The following RABL6 variants were observed in gnomAD, a reference collection of about 807,000 sequenced individuals.
The protein encoded by RABL6 is RAB, member RAS oncogene family like 6, also known as rab-like protein 6.
In RABL6, 28 loss-of-function variants were observed where a neutral mutation model predicts 72.9. The observed-to-expected ratio is 0.38, with a 90% CI of 0.28 to 0.53. The LOEUF (loss-of-function observed/expected upper bound fraction) is 0.53. Among genes scored for constraint, RABL6 ranks in the 20% least tolerant of loss-of-function variants. The pLI is 0.80. For synonymous variants in RABL6, 477 were observed against 421.2 expected (o/e 1.13, Z -1.62); for missense variants, 1,029 against 1,008.4 (o/e 1.02, Z -0.28).
chr9:136,832,947 G>A (rs979357819), intron 7 of RABL6: 15 of 334,754 alleles, frequency 4.5e-5, no homozygotes, highest in South Asian at 9.4e-5. Context: ...GAACCTCCTC[G>A]CCCTGGGCTG....
chr9:136,812,473 C>T (rs977225441), intron 1 of RABL6, among the ~76,000 whole-genome samples: 11 of 152,030 alleles, frequency 7.2e-5, no homozygotes, highest in Admixed American at 3.3e-4. Context: ...GCAGGAGAAT[C>T]GCTTGAACCC....
At chr9:136,816,734 G>C (rs1326931487) in intron 1 of RABL6, among the ~76,000 whole-genome samples, 1 of 136,024 alleles carries the variant, frequency 7.4e-6, no homozygotes, top group Non-Finnish European at 1.6e-5. Context: ...AGGGGGGGGG[G>C]GTAATTTTTT....
chr9:136,823,266 G>T (rs1404927820), intron 1 of RABL6, among the ~76,000 whole-genome samples: 2 of 143,358 alleles, frequency 1.4e-5, no homozygotes, highest in Non-Finnish European at 3.0e-5. Flanking sequence ...GCCTGACCTG[G>T]CTCCAAGTAG....
Position 136,840,378 on chromosome 9 carries a change from G to A in RABL6, c.2046G>A (p.Glu682=). The A allele has an allele frequency of 6.4e-7, 1 of 1,554,324 alleles. No individual in the cohort carries two copies. The part of the protein sequence containing the change: ...KSKHKKSKDK[E]EGKEERRRRQ... ...AACACAAGAAGAGCAAGGACAAGGAGGAGGGCAAGGAGGAGCGGCGACGGC... is the reference window on the plus strand; with the variant it reads ...AACACAAGAAGAGCAAGGACAAGGAAGAGGGCAAGGAGGAGCGGCGACGGC... Residue 682 remains glutamate (E), a synonymous_variant, in exon 15 of 15, where the codon GAG becomes GAA. Coordinates refer to ENST00000311502, the MANE Select transcript of RABL6 (RefSeq NM_024718.5).
At chr9:136,833,227 G>T in intron 7 of RABL6, 1 of 263,944 alleles carries the variant, frequency 3.8e-6, no homozygotes, top group Non-Finnish European at 7.1e-6. Flanking sequence ...GCCCCAGCTG[G>T]GTCTGGGGGA....
At position 136,820,072 on chromosome 9, in the gene RABL6, G is replaced by A. The variant is rs549312726; in HGVS notation, c.131-3453G>A. On this transcript the variant is annotated intron_variant, in intron 1 of 14. Coordinates refer to ENST00000311502, the MANE Select transcript of RABL6 (RefSeq NM_024718.5). ...CAGAAAATTAGGCATGGCGGCTTGCGCCTGTAGTCCCAGCTACTTGGGAGG... is the reference window on the plus strand; with the variant it reads ...CAGAAAATTAGGCATGGCGGCTTGCACCTGTAGTCCCAGCTACTTGGGAGG... 1.6e-3 allele frequency among the ~76,000 whole-genome samples: 241 copies of A among 152,112 alleles called. 1 individual carries two copies. Among genetic ancestry groups the A allele is most frequent in the African/African-American group, 5.3e-3 (221 of 41,512 alleles).
chr9:136,834,509 TCTCA>T (rs1292072372), intron 7 of RABL6: 4 of 947,830 alleles, frequency 4.2e-6, no homozygotes, highest in Non-Finnish European at 5.0e-6. Context: ...GGAGACGGAG[TCTCA>T]CTCTGTCCAG....
Position 136,808,174 on chromosome 9 carries a change from G to C in RABL6, c.-23G>C, listed in dbSNP as rs2131145702. On this transcript the variant is annotated 5_prime_UTR_variant, in exon 1 of 15. Coordinates refer to ENST00000311502, the MANE Select transcript of RABL6 (RefSeq NM_024718.5). The stretch of plus-strand genomic sequence containing the variant: ...CCGCTGAGCTCGCCGGCCGCGCCCG[G>C]GCTGGGACGTCCGAGCGGGAAGATG... 6.7e-7 allele frequency: 1 copy of C among 1,495,012 alleles called. No individual in the cohort carries two copies. Among genetic ancestry groups the C allele is most frequent in the African/African-American group, 1.5e-5 (1 of 68,416 alleles). 92.6% of individuals were successfully genotyped at this position (1,495,012 alleles called of 1,614,324 possible).
At chr9:136,815,189 G>T (rs557967320) in intron 1 of RABL6, 8 of 332,220 alleles carry the variant, frequency 2.4e-5, no homozygotes, top group South Asian at 2.0e-4. Context: ...GCCGTTCTTT[G>T]CCCCCTTGGC....
intron 10 of RABL6, 100 bp from the exon 11 acceptor site, chr9:136,838,792 GGGGTGGCCCCACGGCCA>G: frequency 1.1e-6 from 1 of 889,078 alleles, no homozygotes; most frequent in South Asian, 1.8e-5. Flanking sequence ...CACCTGGGGT[GGGGTGGCCCCACGGCCA>G]GGGTGTGCTG....
In RABL6 at chr9:136,839,603, C is replaced by T. The variant is rs1588375248; in HGVS notation, c.1759-91C>T. On this transcript the variant is annotated intron_variant, in intron 12 of 14. Transcript: ENST00000311502. ...CTGGAAGAGGCATCTCATGTCCCCA[C>T]ACTTGGGCCTTGCCGGCCTGGTTTG... 3.9e-6 allele frequency: 6 copies of T among 1,548,316 alleles called. No homozygotes were observed. In the East Asian group the frequency reaches 1.4e-4, roughly 35 times the overall value.
At chr9:136,818,048 C>A (rs1372437839) in intron 1 of RABL6, among the ~76,000 whole-genome samples, 1 of 106,620 alleles carries the variant, frequency 9.4e-6, no homozygotes, top group Non-Finnish European at 1.8e-5. Context: ...GGCAACAGAA[C>A]AAGACTCCAT....
At chr9:136,839,924 C>T in intron 13 of RABL6, 59 bp downstream of exon 13, 2 of 1,563,178 alleles carry the variant, frequency 1.3e-6, no homozygotes, top group Admixed American at 1.9e-5. Context: ...ACGTGGGCCT[C>T]CTCCCAGCTG....
In RABL6 at chr9:136,818,061, CAAAAAAAAA is replaced by C. The variant is rs35850059; in HGVS notation, c.131-5452_131-5444del. ...TGGGCAACAGAACAAGACTCCATCT[CAAAAAAAAA>C]AAAAAAAAAAATGACGGGCACAGTG... is the stretch of plus-strand genomic sequence containing the variant. On this transcript the variant is annotated intron_variant, in intron 1 of 14. Coordinates refer to ENST00000311502, the MANE Select transcript of RABL6 (RefSeq NM_024718.5). Among the ~76,000 whole-genome samples, 3 of 78,482 alleles carry C rather than the reference CAAAAAAAAA, an allele frequency of 3.8e-5. No individual in the cohort carries two copies. The Admixed American group carries it at 5.2e-4, about 13-fold the overall frequency. The allele number at this position is 78,482 out of a possible 152,430, so 51.5% of individuals were successfully genotyped here.
intron 9 of RABL6, 41 bp from the exon 10 acceptor site, chr9:136,837,821 T>G (rs1848611551): frequency 1.9e-6 from 3 of 1,544,326 alleles, no homozygotes; most frequent in Non-Finnish European, 2.6e-6. Flanking sequence ...CAGTGAGGGT[T>G]CTGGTGCCGA....
rs536455023 is a variant in RABL6 at position 136,832,313 on chromosome 9, C to T, written c.648C>T (p.Asn216=). The T allele has an allele frequency of 3.1e-6, 5 of 1,613,954 alleles. No homozygotes were observed. In the African/African-American group the frequency reaches 4.0e-5, roughly 13 times the overall value. ...GCTATGCTGAGTCTTCCATGAAGAA[C>T]AGCTTCGGCCTAAAGTACCTTCATA... is the stretch of plus-strand genomic sequence containing the variant. ...YFRYAESSMK[N]SFGLKYLHKF... Residue 216 remains asparagine (N), a synonymous_variant, in exon 7 of 15, where the codon AAC becomes AAT. Transcript: ENST00000311502.
intron 1 of RABL6, among the ~76,000 whole-genome samples, chr9:136,822,571 G>A (rs1848261242): frequency 6.6e-6 from 1 of 152,162 alleles, no homozygotes; most frequent in Non-Finnish European, 1.5e-5. Flanking sequence ...CCAGTCGGGT[G>A]CCAGGTCCAT....
Position 136,818,400 on chromosome 9 carries a change from AAAAAC to A in RABL6, c.131-5124_131-5120del, listed in dbSNP as rs1848169356. ...AAAAAAAAAAAAAAAAAAAAAAAAAAAAAACCAAAGGTAAGCAAAGAAACTGGTAA... is the reference window on the plus strand; with the variant it reads ...AAAAAAAAAAAAAAAAAAAAAAAAAACAAAGGTAAGCAAAGAAACTGGTAA... On this transcript the variant is annotated intron_variant, in intron 1 of 14. Transcript: ENST00000311502. 2.5e-4 allele frequency among the ~76,000 whole-genome samples: 7 copies of A among 28,036 alleles called. 2 individuals carry two copies. Among genetic ancestry groups the A allele is most frequent in the African/African-American group, 1.1e-3 (7 of 6,184 alleles). 18.4% of individuals were successfully genotyped at this position (28,036 alleles called of 152,430 possible).
At chr9:136,825,247 A>C (rs1282298030) in intron 2 of RABL6, among the ~76,000 whole-genome samples, 2 of 152,264 alleles carry the variant, frequency 1.3e-5, no homozygotes, top group Non-Finnish European at 2.9e-5. Context: ...ACTAGAGGCC[A>C]GTCACTGGAT....
Sources: allele counts gnomAD v4.1 joint callset (sites outside exome capture counted in the v4.1 genomes callset), GRCh38; gene constraint gnomAD v4.1.1; transcripts MANE v1.5; gene names NCBI Gene and HGNC (gene_info 2026-07-23, HGNC 2026-07-21).